The following THSD7B variants were observed in gnomAD, a reference collection of about 807,000 sequenced individuals.
THSD7B encodes the protein thrombospondin type 1 domain containing 7B.
A neutral mutation model predicts 213.6 loss-of-function variants in THSD7B; 138 were observed. The observed-to-expected ratio is 0.65, with a 90% CI of 0.56 to 0.74. The LOEUF (loss-of-function observed/expected upper bound fraction) is 0.74, where lower values mean the gene tolerates loss of function less well. Among genes scored for constraint, THSD7B ranks in the 30% least tolerant of loss-of-function variants. The probability of loss-of-function intolerance (pLI) is 0.00; values close to 1 mark genes in which losing one functional copy is unlikely to be tolerated. For synonymous variants in THSD7B, 742 were observed against 687.0 expected (o/e 1.08, Z -1.25); for missense variants, 1,931 against 1,991.5 (o/e 0.97, Z 0.58).
chr2:137,333,175 G>A (rs78876124), intron 12 of THSD7B, among the ~76,000 whole-genome samples: 1,961 of 152,164 alleles, frequency 0.013, 57 homozygotes, highest in African/African-American at 0.046. Flanking sequence ...ACTAATCCTG[G>A]ACGTCTAACC....
chr2:137,409,200 G>A (rs754291903), intron 13 of THSD7B, among the ~76,000 whole-genome samples: 39 of 152,214 alleles, frequency 2.6e-4, no homozygotes, highest in Non-Finnish European at 4.3e-4. Flanking sequence ...TGACTGCAAT[G>A]TGGTGGACAG....
chr2:136,810,665 G>GCACAT (rs1682360071), intron 1 of THSD7B, among the ~76,000 whole-genome samples: 1 of 152,180 alleles, frequency 6.6e-6, no homozygotes, highest in Non-Finnish European at 1.5e-5. Flanking sequence ...AATGGGCTCT[G>GCACAT]CACATGAAAG....
At chr2:136,884,937 T>G (rs2104994046) in intron 2 of THSD7B, among the ~76,000 whole-genome samples, 1 of 152,296 alleles carries the variant, frequency 6.6e-6, no homozygotes, top group South Asian at 2.1e-4. Context: ...TTTAAGGAGT[T>G]ATATCCCTAG....
At chr2:136,836,992 T>C (rs1682853579) in intron 1 of THSD7B, among the ~76,000 whole-genome samples, 1 of 152,214 alleles carries the variant, frequency 6.6e-6, no homozygotes, top group Non-Finnish European at 1.5e-5. Flanking sequence ...GCAAGTCCTG[T>C]CAGCTATACT....
chr2:137,288,351 G>C (rs567061683), intron 12 of THSD7B, among the ~76,000 whole-genome samples: 1 of 152,264 alleles, frequency 6.6e-6, no homozygotes, highest in South Asian at 2.1e-4. Context: ...TTTAGCTGAG[G>C]TGTATGGGGA....
At chr2:136,826,709 C>T (rs576774614) in intron 1 of THSD7B, among the ~76,000 whole-genome samples, 9 of 152,102 alleles carry the variant, frequency 5.9e-5, no homozygotes, top group Non-Finnish European at 1.0e-4. Flanking sequence ...AAAAGAGAGG[C>T]GATGAATTTC....
intron 3 of THSD7B, among the ~76,000 whole-genome samples, chr2:137,078,210 G>T (rs1400410757): frequency 6.6e-6 from 1 of 152,176 alleles, no homozygotes; most frequent in Non-Finnish European, 1.5e-5. Flanking sequence ...CCAGTTCCAT[G>T]CTGTTTTGCT....
chr2:137,053,284 A>G lies in THSD7B; in HGVS notation c.140-3136A>G, dbSNP rs78314855. Among the ~76,000 whole-genome samples the G allele has an allele frequency of 3.4e-3, 523 of 152,284 alleles. 8 individuals carry two copies. The East Asian group carries it at 0.043, about 12-fold the overall frequency. On this transcript the variant is annotated intron_variant, in intron 2 of 27. Transcript: ENST00000409968. ...TTGGATGTGAGTTAATTTTGGATTA[A>G]CTCATATCCAAATAGGAGATCATGG...
chr2:137,113,298 G>T (rs182060251), intron 4 of THSD7B, among the ~76,000 whole-genome samples: 2 of 152,290 alleles, frequency 1.3e-5, no homozygotes, highest in East Asian at 3.9e-4. Context: ...GGTAAGGACT[G>T]ACTCTGTGAG....
At chr2:136,975,607 A>G (rs1685468201) in intron 2 of THSD7B, among the ~76,000 whole-genome samples, 1 of 152,150 alleles carries the variant, frequency 6.6e-6, no homozygotes. Flanking sequence ...TATAGTTTGA[A>G]GTCAGGTAGT....
chr2:137,082,449 C>G (rs1295321304), intron 3 of THSD7B, among the ~76,000 whole-genome samples: 1 of 152,018 alleles, frequency 6.6e-6, no homozygotes, highest in Admixed American at 6.6e-5. Flanking sequence ...TTTTGCACAC[C>G]TGGAAGTCAA....
At chr2:137,568,964 A>G (rs540911313) in intron 16 of THSD7B, among the ~76,000 whole-genome samples, 102 of 152,304 alleles carry the variant, frequency 6.7e-4, no homozygotes, top group African/African-American at 2.4e-3. Flanking sequence ...CCTTTGGCAA[A>G]AGGGACTTGG....
intron 16 of THSD7B, among the ~76,000 whole-genome samples, chr2:137,570,714 C>T (rs117267859): frequency 1.3e-5 from 2 of 152,194 alleles, no homozygotes; most frequent in East Asian, 3.9e-4. Context: ...TTTATTTCAT[C>T]ATCATTGCCA....
chr2:137,135,763 G>C (rs1679442526), intron 5 of THSD7B, among the ~76,000 whole-genome samples: 1 of 151,912 alleles, frequency 6.6e-6, no homozygotes, highest in African/African-American at 2.4e-5. Context: ...TCTAAATACA[G>C]CTTCACTCAC....
At chr2:136,898,591 A>T (rs1298547862) in intron 2 of THSD7B, among the ~76,000 whole-genome samples, 1 of 63,164 alleles carries the variant, frequency 1.6e-5, no homozygotes, top group Admixed American at 1.4e-4. Context: ...CCCCCCGCCA[A>T]AAGAGCTCAC....
At chr2:137,474,709 C>T (rs1360449697) in intron 15 of THSD7B, among the ~76,000 whole-genome samples, 3 of 152,130 alleles carry the variant, frequency 2.0e-5, no homozygotes, top group South Asian at 2.1e-4. Flanking sequence ...ATCCAATAGT[C>T]GTCCCTTAAA....
intron 2 of THSD7B, among the ~76,000 whole-genome samples, chr2:136,921,035 G>A (rs1325663230): frequency 2.0e-5 from 3 of 152,008 alleles, no homozygotes; most frequent in Non-Finnish European, 4.4e-5. Flanking sequence ...GCTGAACTCG[G>A]CATCAGCACC....
intron 7 of THSD7B, among the ~76,000 whole-genome samples, chr2:137,212,741 A>G (rs1421686755): frequency 6.6e-6 from 1 of 152,044 alleles, no homozygotes; most frequent in Non-Finnish European, 1.5e-5. Context: ...CCATGAAAAT[A>G]TAAGATTTTT....
At chr2:136,858,913 G>A (rs1398778363) in intron 1 of THSD7B, among the ~76,000 whole-genome samples, 1 of 152,164 alleles carries the variant, frequency 6.6e-6, no homozygotes, top group Admixed American at 6.5e-5. Flanking sequence ...AACCATAATG[G>A]GAGTGACAGC....
Sources: allele counts gnomAD v4.1 joint callset (sites outside exome capture counted in the v4.1 genomes callset), GRCh38; gene constraint gnomAD v4.1.1; transcripts MANE v1.5; gene names NCBI Gene and HGNC (gene_info 2026-07-23, HGNC 2026-07-21).